SPTBN4: variants seen among roughly 807,000 people sequenced by gnomAD.
The protein encoded by SPTBN4 is spectrin beta chain, non-erythrocytic 4.
SPTBN4 carries 96 observed loss-of-function variants against 277.8 expected under a neutral mutation model. The ratio of observed to expected loss-of-function variants is 0.35; its 90% CI spans 0.29 to 0.41. SPTBN4 has a LOEUF of 0.41. Ranked by LOEUF, SPTBN4 falls within the 10% of genes least tolerant of loss-of-function variation. The pLI, the probability that SPTBN4 is intolerant of heterozygous loss-of-function variation, is 1.00. For missense variants in SPTBN4, 3,006 were observed against 3,595.7 expected, an observed-to-expected ratio of 0.84 and a Z score of 4.19; for synonymous variants, 1,481 against 1,580.3, an observed-to-expected ratio of 0.94 and a Z score of 1.49.
chr19:40,489,266 G>A (rs1185295343), intron 3 of SPTBN4, among the ~76,000 whole-genome samples: 1 of 151,564 alleles, frequency 6.6e-6, no homozygotes, highest in African/African-American at 2.4e-5. Flanking sequence ...AACCAACGCT[G>A]TTGGAAGGAA....
intron 24 of SPTBN4, among the ~76,000 whole-genome samples, chr19:40,555,489 C>CAAAAAAA (rs56045928): frequency 2.7e-5 from 2 of 74,896 alleles, no homozygotes; most frequent in Non-Finnish European, 4.9e-5. Context: ...GACTCCGTCT[C>CAAAAAAA]AAAAAAAAAA....
At chr19:40,521,866 C>T (rs1232668626) in intron 16 of SPTBN4, among the ~76,000 whole-genome samples, 1 of 152,188 alleles carries the variant, frequency 6.6e-6, no homozygotes, top group Non-Finnish European at 1.5e-5. Flanking sequence ...CCAGGCTGGT[C>T]TCCAGCTCCT....
At chr19:40,499,495 T>C (rs1475906335) in intron 7 of SPTBN4, among the ~76,000 whole-genome samples, 1 of 151,894 alleles carries the variant, frequency 6.6e-6, no homozygotes, top group Admixed American at 6.6e-5. Flanking sequence ...GCTCAAGCAA[T>C]CCTCTCACCT....
At chr19:40,574,455 G>A (rs1332178899) in intron 35 of SPTBN4, among the ~76,000 whole-genome samples, 1 of 151,282 alleles carries the variant, frequency 6.6e-6, no homozygotes, top group Non-Finnish European at 1.5e-5. Flanking sequence ...TCCACTTCCC[G>A]GGTTCAAGCG....
chr19:40,474,405 C>T (rs1052216037), intron 2 of SPTBN4, among the ~76,000 whole-genome samples: 2 of 151,360 alleles, frequency 1.3e-5, no homozygotes, highest in Non-Finnish European at 2.9e-5. Flanking sequence ...CAGCCTTGGG[C>T]CAACCAGTAC....
At position 40,549,324 on chromosome 19, in the gene SPTBN4, C is replaced by G. The variant is rs996609046; in HGVS notation, c.4495C>G (p.Arg1499Gly). 9 of 1,538,262 alleles carry G rather than the reference C, an allele frequency of 5.9e-6. No individual in the cohort carries two copies. In the South Asian group the frequency reaches 9.5e-5, roughly 16 times the overall value. The change falls in exon 21 of 36, where the codon CGC (arginine) becomes GGC (glycine). Residue 1499 changes from arginine to glycine, a missense_variant. Physicochemically the swap from Arg to Gly is moderately radical, Grantham distance 125. Transcript: ENST00000598249. ...RQNAVGERLV[R>G]LLEPLQERRR... is the part of the protein sequence containing the mutation. ...GAACGCGGTGGGCGAGCGCCTGGTG[C>G]GCCTGCTCGAGCCGTTGCAGGAGCG... is the stretch of plus-strand genomic sequence containing the variant.
chr19:40,572,792 C>T (rs564260021), intron 35 of SPTBN4, among the ~76,000 whole-genome samples: 1 of 152,080 alleles, frequency 6.6e-6, no homozygotes, highest in Non-Finnish European at 1.5e-5. Context: ...AACCCCGTCT[C>T]TACTAAAAAA....
chr19:40,565,738 G>A lies in SPTBN4; in HGVS notation c.6132G>A (p.Leu2044=). The change falls in exon 29 of 36, where the codon CTG becomes CTA. Residue 2044 remains leucine (L), a synonymous_variant. Transcript: ENST00000598249. ...SEKWDRHWEW[L]QQMLEVHQFA... Reference sequence around the variant, plus strand: ...AGTGGGACCGCCATTGGGAGTGGCTGCAGCAGAGTGAGTGGGGGCCCAGGC... The same window carrying A: ...AGTGGGACCGCCATTGGGAGTGGCTACAGCAGAGTGAGTGGGGGCCCAGGC... 6.4e-7 allele frequency: 1 copy of A among 1,552,158 alleles called. No individual in the cohort carries two copies. Among genetic ancestry groups the A allele is most frequent in the Non-Finnish European group, 8.7e-7 (1 of 1,147,744 alleles).
chr19:40,537,521 C>A (rs1167807550), intron 20 of SPTBN4, among the ~76,000 whole-genome samples: 1 of 152,190 alleles, frequency 6.6e-6, no homozygotes, highest in African/African-American at 2.4e-5. Context: ...TCTCAGGGAT[C>A]CCCCAGGGGT....
chr19:40,476,317 C>G (rs1048177106), intron 2 of SPTBN4, among the ~76,000 whole-genome samples: 1 of 148,948 alleles, frequency 6.7e-6, no homozygotes, highest in Non-Finnish European at 1.5e-5. Context: ...TGTACTCCAG[C>G]CTGGGCGTCA....
intron 32 of SPTBN4, among the ~76,000 whole-genome samples, chr19:40,569,928 C>G (rs917641410): frequency 7.3e-6 from 1 of 137,270 alleles, no homozygotes; most frequent in African/African-American, 2.8e-5. Context: ...GAGACCCCTA[C>G]TGCCCCTCCA....
intron 33 of SPTBN4, 111 bp from the exon 34 acceptor site, chr19:40,571,908 A>C: frequency 7.6e-7 from 1 of 1,307,716 alleles, no homozygotes; most frequent in African/African-American, 1.5e-5. Flanking sequence ...ACTAGGGCGC[A>C]AAGGTCCAGA....
At chr19:40,534,690 A>T (rs1227244152) in intron 20 of SPTBN4, 3 of 269,308 alleles carry the variant, frequency 1.1e-5, no homozygotes, top group African/African-American at 2.2e-5. Context: ...ATGGAATAAC[A>T]ATGACATTCA....
chr19:40,480,199 G>T (rs997910633), intron 2 of SPTBN4, among the ~76,000 whole-genome samples: 1 of 150,798 alleles, frequency 6.6e-6, no homozygotes, highest in Non-Finnish European at 1.5e-5. Context: ...TGCAATGAGC[G>T]GAGATCAAGC....
intron 7 of SPTBN4, among the ~76,000 whole-genome samples, chr19:40,498,413 A>ATTTATTTT (rs1200162605): frequency 7.8e-6 from 1 of 127,670 alleles, no homozygotes; most frequent in African/African-American, 3.2e-5. Context: ...TTATTTATTT[A>ATTTATTTT]TTTATTTTTT....
At position 40,560,426 on chromosome 19, in the gene SPTBN4, C is replaced by T. The variant is rs535613754; in HGVS notation, c.5915+23C>T. The T allele has an allele frequency of 6.2e-7, 1 of 1,613,626 alleles. No homozygotes were observed. The highest frequency in any genetic ancestry group is 1.1e-5 in the South Asian group (1 of 91,078). On this transcript the variant is annotated intron_variant, in intron 27 of 35. Coordinates refer to ENST00000598249, the MANE Select transcript of SPTBN4 (RefSeq NM_020971.3). The surrounding 1 kb of genome is among the most constrained non-coding windows in gnomAD (Gnocchi z 5.2). ...CAGGTGCCCCTCATCCCTCCTCGGG[C>T]TTCCTGCCTCCCCCTGGTGGCCTAC...
chr19:40,571,916 A>C, intron 33 of SPTBN4, 103 bp from the exon 34 acceptor site: 1 of 1,362,522 alleles, frequency 7.3e-7, no homozygotes, highest in Non-Finnish European at 9.7e-7. Flanking sequence ...GCAAAGGTCC[A>C]GAGGTAGGAA....
At chr19:40,512,111 A>C (rs1296520426) in intron 13 of SPTBN4, among the ~76,000 whole-genome samples, 1 of 152,250 alleles carries the variant, frequency 6.6e-6, no homozygotes, top group Non-Finnish European at 1.5e-5. Flanking sequence ...CAACAGAGTA[A>C]GAATCTGTCT....
rs143116979 is a variant in SPTBN4, at chr19:40,492,334, T to A, written c.496-629T>A. Among the ~76,000 whole-genome samples the A allele has an allele frequency of 6.3e-3, 965 of 151,970 alleles. 13 individuals are homozygous for A. Among genetic ancestry groups the A allele is most frequent in the African/African-American group, 0.022 (927 of 41,450 alleles). ...GTTTGAGGAACACCCTGAGGCCAGT[T>A]TGAGATGGGTCCAGTGGTTATGGGT... On this transcript the variant is annotated intron_variant, in intron 4 of 35. Coordinates refer to ENST00000598249, the MANE Select transcript of SPTBN4 (RefSeq NM_020971.3).
Sources: gnomAD v4.1 joint callset for allele counts (sites outside exome capture counted in the v4.1 genomes callset) on GRCh38, gnomAD v4.1.1 for gene constraint, Gnocchi (gnomAD v3.1) non-coding constraint, MANE v1.5 for transcripts, NCBI Gene and HGNC (gene_info 2026-07-23, HGNC 2026-07-21) for gene names.